TRPM3: variants seen among roughly 807,000 people sequenced by gnomAD.
TRPM3 encodes the protein transient receptor potential cation channel subfamily M member 3.
A neutral mutation model predicts 181.2 loss-of-function variants in TRPM3; 77 were observed. That is an observed-to-expected ratio of 0.42 (90% CI 0.35 to 0.51). The LOEUF (loss-of-function observed/expected upper bound fraction) is 0.51, where lower values mean the gene tolerates loss of function less well. TRPM3 is among the 20% of genes least tolerant of loss of function. The pLI is 0.01. For synonymous variants in TRPM3, 745 were observed against 796.4 expected (o/e 0.94, Z 1.09); for missense variants, 1,759 against 2,196.7 (o/e 0.80, Z 3.98).
intron 1 of TRPM3, among the ~76,000 whole-genome samples, chr9:71,016,929 A>G (rs2097789785): frequency 6.6e-6 from 1 of 152,130 alleles, no homozygotes; most frequent in Non-Finnish European, 1.5e-5. Flanking sequence ...TATTTTTTAA[A>G]TAGACATCTA....
intron 1 of TRPM3, among the ~76,000 whole-genome samples, chr9:70,901,644 C>A (rs1486335397): frequency 6.6e-6 from 1 of 151,792 alleles, no homozygotes; most frequent in East Asian, 1.9e-4. Flanking sequence ...ATTCAAAAAT[C>A]AAAAATGTAT....
chr9:70,688,423 A>G (rs1425583595), intron 8 of TRPM3, among the ~76,000 whole-genome samples: 3 of 152,282 alleles, frequency 2.0e-5, no homozygotes, highest in South Asian at 2.1e-4. Flanking sequence ...ATTGTACCCA[A>G]TATTGTACCC....
chr9:70,616,775 G>A (rs1361066766), intron 17 of TRPM3, among the ~76,000 whole-genome samples: 4 of 152,068 alleles, frequency 2.6e-5, no homozygotes, highest in African/African-American at 4.8e-5. Context: ...AGAAGCCAGC[G>A]CTGTATTTCT....
intron 1 of TRPM3, among the ~76,000 whole-genome samples, chr9:70,959,129 T>G (rs971479754): frequency 3.3e-5 from 5 of 151,420 alleles, no homozygotes; most frequent in African/African-American, 1.2e-4. Context: ...ATTGTGCACA[T>G]GTACCCTAAA....
At chr9:70,621,522 G>A (rs568251032) in intron 14 of TRPM3, among the ~76,000 whole-genome samples, 4 of 152,026 alleles carry the variant, frequency 2.6e-5, no homozygotes, top group East Asian at 1.9e-4. Flanking sequence ...ATGTTACCAC[G>A]CTTGGCTAAG....
intron 1 of TRPM3, among the ~76,000 whole-genome samples, chr9:71,417,906 G>A (rs774578330): frequency 4.6e-5 from 7 of 151,616 alleles, no homozygotes; most frequent in African/African-American, 9.7e-5. Context: ...TCTGTCACTC[G>A]CAAAACACCT....
At chr9:71,169,955 C>A (rs1234321758) in intron 1 of TRPM3, among the ~76,000 whole-genome samples, 1 of 134,418 alleles carries the variant, frequency 7.4e-6, no homozygotes, top group Non-Finnish European at 1.5e-5. Flanking sequence ...GAGCCGAGAT[C>A]ATGCCACTGC....
intron 4 of TRPM3, 141 bp downstream of exon 4, chr9:70,846,237 G>A (rs2094947120): frequency 5.5e-6 from 4 of 725,114 alleles, no homozygotes; most frequent in African/African-American, 3.5e-5. Context: ...AGATAAAGGA[G>A]GGAGTGATAA....
intron 1 of TRPM3, among the ~76,000 whole-genome samples, chr9:71,109,354 A>G (rs2070502527): frequency 6.6e-6 from 1 of 152,062 alleles, no homozygotes; most frequent in East Asian, 1.9e-4. Flanking sequence ...CCAAAGTGAA[A>G]GCAGTTGCAC....
intron 1 of TRPM3, among the ~76,000 whole-genome samples, chr9:71,337,477 G>A (rs1468802611): frequency 6.6e-6 from 1 of 152,178 alleles, no homozygotes; most frequent in African/African-American, 2.4e-5. Flanking sequence ...CACTGTTGGT[G>A]GGAGTGTAAA....
chr9:71,271,625 G>A (rs1346632378), intron 1 of TRPM3, among the ~76,000 whole-genome samples: 31 of 149,170 alleles, frequency 2.1e-4, no homozygotes, highest in African/African-American at 6.2e-4. Context: ...AAAAGAAGAA[G>A]AAGAAAAAAA....
intron 1 of TRPM3, among the ~76,000 whole-genome samples, chr9:71,284,576 C>T (rs1450626343): frequency 6.6e-6 from 1 of 152,148 alleles, no homozygotes; most frequent in Non-Finnish European, 1.5e-5. Context: ...GGTGAGGTCA[C>T]ACATTTCTGA....
At chr9:70,817,064 G>T (rs529866902) in intron 6 of TRPM3, among the ~76,000 whole-genome samples, 3 of 152,134 alleles carry the variant, frequency 2.0e-5, no homozygotes, top group Non-Finnish European at 4.4e-5. Flanking sequence ...TATCTCATGT[G>T]CCAACTCCAG....
chr9:70,575,109 AT>A (rs55876205), intron 22 of TRPM3, among the ~76,000 whole-genome samples: 49,943 of 134,186 alleles, frequency 0.37, 9,323 homozygotes, highest in East Asian at 0.51. Flanking sequence ...ATCCCGCATA[AT>A]TTTTTTTTTT....
At chr9:71,373,875 C>G (rs764896523) in intron 1 of TRPM3, among the ~76,000 whole-genome samples, 1 of 152,166 alleles carries the variant, frequency 6.6e-6, no homozygotes, top group Non-Finnish European at 1.5e-5. Flanking sequence ...CAAAAATCCC[C>G]ACTAAAATAC....
intron 1 of TRPM3, among the ~76,000 whole-genome samples, chr9:71,335,467 C>A (rs189602799): frequency 5.2e-4 from 79 of 152,196 alleles, no homozygotes; most frequent in Middle Eastern, 3.4e-3. Flanking sequence ...ATAGAACACG[C>A]CCTTATAATC....
At chr9:71,140,411 G>A (rs2075027119) in intron 1 of TRPM3, among the ~76,000 whole-genome samples, 1 of 152,010 alleles carries the variant, frequency 6.6e-6, no homozygotes, top group East Asian at 1.9e-4. Flanking sequence ...ACATAGTGTG[G>A]GGTTTGAAAG....
chr9:71,262,119 C>G (rs10869004), intron 1 of TRPM3, among the ~76,000 whole-genome samples: 81,316 of 152,066 alleles, frequency 0.53, 21,928 homozygotes, highest in African/African-American at 0.59. Flanking sequence ...CCCCTTCCCC[C>G]GGGTGCTCTG....
chr9:71,156,213 G>A (rs2075991779), intron 1 of TRPM3, among the ~76,000 whole-genome samples: 1 of 151,978 alleles, frequency 6.6e-6, no homozygotes, highest in Non-Finnish European at 1.5e-5. Flanking sequence ...TTGAGGGTGT[G>A]AGTTCTGGTC....
Sources: allele counts gnomAD v4.1 joint callset (sites outside exome capture counted in the v4.1 genomes callset), GRCh38; gene constraint gnomAD v4.1.1; transcripts MANE v1.5; gene names NCBI Gene and HGNC (gene_info 2026-07-23, HGNC 2026-07-21).